The following GALNT14 variants were observed in gnomAD, a reference collection of about 807,000 sequenced individuals.
GALNT14 encodes polypeptide N-acetylgalactosaminyltransferase 14.
A neutral mutation model predicts 77.5 loss-of-function variants in GALNT14; 60 were observed. The observed-to-expected ratio is 0.77, with a 90% CI of 0.63 to 0.96. The LOEUF (loss-of-function observed/expected upper bound fraction) is 0.96. GALNT14 is among the 40% of genes least tolerant of loss of function. The pLI is 0.00. For missense variants in GALNT14, 710 were observed against 731.0 expected, an observed-to-expected ratio of 0.97 and a Z score of 0.33; for synonymous variants, 280 against 281.7, an observed-to-expected ratio of 0.99 and a Z score of 0.06.
chr2:31,120,155 C>CAAAAA (rs753835346), intron 1 of GALNT14, among the ~76,000 whole-genome samples: 3 of 66,794 alleles, frequency 4.5e-5, no homozygotes, highest in African/African-American at 1.1e-4. Context: ...GACTCCGTCT[C>CAAAAA]AAAAAAAAAA....
chr2:31,063,691 A>T (rs1257845392), intron 1 of GALNT14, among the ~76,000 whole-genome samples: 1 of 152,164 alleles, frequency 6.6e-6, no homozygotes, highest in Non-Finnish European at 1.5e-5. Flanking sequence ...CCTATCTATG[A>T]GCATGGAATG....
intron 5 of GALNT14, 21 bp downstream of exon 5, chr2:30,955,891 C>G (rs755791771): frequency 1.2e-6 from 2 of 1,613,562 alleles, no homozygotes; most frequent in Non-Finnish European, 1.7e-6. Flanking sequence ...TGGAGGCTCC[C>G]GCACAACAGC....
chr2:30,903,262 C>A, the GALNT14 span, among the ~76,000 whole-genome samples: 1 of 152,224 alleles, frequency 6.6e-6, no homozygotes, highest in Non-Finnish European at 1.5e-5. Context: ...GAAACAGATA[C>A]CTGCTTAGAA....
intron 1 of GALNT14, among the ~76,000 whole-genome samples, chr2:31,025,406 C>A (rs534838477): frequency 1.3e-5 from 2 of 151,990 alleles, no homozygotes; most frequent in Non-Finnish European, 2.9e-5. Flanking sequence ...GAGAGAGAGA[C>A]GGGTAGAGGC....
chr2:30,943,922 T>A (rs895844327), intron 8 of GALNT14, among the ~76,000 whole-genome samples: 1 of 152,154 alleles, frequency 6.6e-6, no homozygotes, highest in Non-Finnish European at 1.5e-5. Flanking sequence ...CTCTTGCTAG[T>A]CCCTTTATCC....
intron 6 of GALNT14, among the ~76,000 whole-genome samples, chr2:30,947,831 C>G (rs1170739865): frequency 6.6e-6 from 1 of 152,226 alleles, no homozygotes; most frequent in Non-Finnish European, 1.5e-5. Flanking sequence ...GGCCCTCAGC[C>G]TCCCACATGT....
intron 1 of GALNT14, among the ~76,000 whole-genome samples, chr2:30,996,665 C>T (rs1385315324): frequency 6.6e-6 from 1 of 152,242 alleles, no homozygotes; most frequent in Non-Finnish European, 1.5e-5. Flanking sequence ...GGCTACAGTG[C>T]CTTCTGGGAG....
intron 13 of GALNT14, among the ~76,000 whole-genome samples, chr2:30,922,989 G>A (rs1246293526): frequency 6.6e-6 from 1 of 151,350 alleles, no homozygotes; most frequent in Non-Finnish European, 1.5e-5. Flanking sequence ...GAACCTTGAT[G>A]AATACCCGCC....
At chr2:31,037,093 G>A (rs1672781877) in intron 1 of GALNT14, among the ~76,000 whole-genome samples, 1 of 151,928 alleles carries the variant, frequency 6.6e-6, no homozygotes. Flanking sequence ...CTTTCCTTCT[G>A]GCATGCTTAT....
At chr2:30,918,231 C>T (rs1465018146) in intron 13 of GALNT14, among the ~76,000 whole-genome samples, 1 of 152,218 alleles carries the variant, frequency 6.6e-6, no homozygotes, top group Admixed American at 6.5e-5. Flanking sequence ...TTAAAGCCCA[C>T]ACTCAGTACA....
downstream of GALNT14, among the ~76,000 whole-genome samples, chr2:30,910,248 C>T (rs1378693366): frequency 6.6e-6 from 1 of 152,000 alleles, no homozygotes; most frequent in East Asian, 1.9e-4. Context: ...TGGTCCCACT[C>T]TCCTAATTTG....
chr2:30,940,775 G>A (rs1194269880), intron 9 of GALNT14, among the ~76,000 whole-genome samples: 4 of 152,224 alleles, frequency 2.6e-5, no homozygotes, highest in South Asian at 2.1e-4. Context: ...ACCCAGCCTC[G>A]AACCCCACAC....
chr2:31,019,256 C>A (rs1179056051), intron 1 of GALNT14, among the ~76,000 whole-genome samples: 1 of 152,178 alleles, frequency 6.6e-6, no homozygotes, highest in Non-Finnish European at 1.5e-5. Context: ...CACTCTATTT[C>A]AACTTGAAAT....
chr2:31,120,339 C>T (rs1243651477), intron 1 of GALNT14, among the ~76,000 whole-genome samples: 1 of 152,082 alleles, frequency 6.6e-6, no homozygotes, highest in Admixed American at 6.5e-5. Flanking sequence ...TTACACAATG[C>T]AGAGAGAAAG....
At chr2:30,907,699 A>G (rs1664180775), downstream of GALNT14, among the ~76,000 whole-genome samples, 1 of 150,282 alleles carries the variant, frequency 6.7e-6, no homozygotes, top group African/African-American at 2.5e-5. Context: ...AATCCTCCCT[A>G]ACTCATTTTA....
chr2:31,011,179 G>A (rs1290547164), intron 1 of GALNT14, among the ~76,000 whole-genome samples: 5 of 152,240 alleles, frequency 3.3e-5, no homozygotes, highest in African/African-American at 9.6e-5. Context: ...TCCCTCAACT[G>A]AGAGTTAGCT....
At chr2:30,890,525 A>G in the GALNT14 span, among the ~76,000 whole-genome samples, 1 of 152,208 alleles carries the variant, frequency 6.6e-6, no homozygotes, top group African/African-American at 2.4e-5. Context: ...TAGAGATTCA[A>G]TGATGAGATA....
chr2:31,057,519 AC>A (rs1674311504), intron 1 of GALNT14, among the ~76,000 whole-genome samples: 1 of 151,028 alleles, frequency 6.6e-6, no homozygotes, highest in African/African-American at 2.4e-5. Flanking sequence ...CTTGGCAGCT[AC>A]GGCACCAGGC....
At chr2:31,098,671 T>C (rs541937072) in intron 1 of GALNT14, among the ~76,000 whole-genome samples, 14 of 152,188 alleles carry the variant, frequency 9.2e-5, no homozygotes, top group African/African-American at 1.9e-4. Flanking sequence ...TCCTGCTCAG[T>C]TGAAAATCTG....
Sources: gnomAD v4.1 joint callset for allele counts (sites outside exome capture counted in the v4.1 genomes callset) on GRCh38, gnomAD v4.1.1 for gene constraint, MANE v1.5 for transcripts, NCBI Gene and HGNC (gene_info 2026-07-23, HGNC 2026-07-21) for gene names.